The following AK9 variants were observed in gnomAD, a reference collection of about 807,000 sequenced individuals.
AK9 encodes adenylate kinase domain containing 1.
In AK9, 191 loss-of-function variants were observed where a neutral mutation model predicts 239.6. The observed-to-expected ratio is 0.80, with a 90% confidence interval of 0.71 to 0.90. The LOEUF (loss-of-function observed/expected upper bound fraction) is 0.90, where lower values mean the gene tolerates loss of function less well. Among genes scored for constraint, AK9 ranks in the 40% least tolerant of loss-of-function variants. The probability of loss-of-function intolerance (pLI) is 0.00; values close to 1 mark genes in which losing one functional copy is unlikely to be tolerated. For missense variants in AK9, 1,995 were observed against 2,214.7 expected (o/e 0.90, Z 1.99); for synonymous variants, 689 against 721.0 (o/e 0.96, Z 0.71).
chr6:109,609,873 T>C (rs1394327507), intron 17 of AK9, among the ~76,000 whole-genome samples: 1 of 152,220 alleles, frequency 6.6e-6, no homozygotes, highest in Non-Finnish European at 1.5e-5. Flanking sequence ...TGATCTGCCA[T>C]TGATAGATAG....
chr6:109,519,377 T>C (rs544846061), intron 29 of AK9, among the ~76,000 whole-genome samples: 5 of 152,348 alleles, frequency 3.3e-5, no homozygotes, highest in East Asian at 3.9e-4. Context: ...TTTTGAGTTA[T>C]CTGAGAAATC....
intron 17 of AK9, among the ~76,000 whole-genome samples, chr6:109,588,348 C>T (rs1301024980): frequency 1.3e-5 from 2 of 152,062 alleles, no homozygotes; most frequent in African/African-American, 2.4e-5. Flanking sequence ...GGATTACAGG[C>T]GTGAGCCACC....
rs1423806411 is a variant in AK9 at position 109,499,077 on chromosome 6, G to A, written c.5013C>T (p.His1671=). 2 of 1,576,712 alleles carry A rather than the reference G, an allele frequency of 1.3e-6. No individual in the cohort carries two copies. Among genetic ancestry groups the A allele is most frequent in the Middle Eastern group, 1.7e-4 (1 of 5,928 alleles). The change falls in exon 36 of 41, where the codon CAC becomes CAT. Residue 1671 remains histidine, a synonymous_variant. Coordinates refer to ENST00000424296, the MANE Select transcript of AK9 (RefSeq NM_001145128.3). ...TTTCCTGAGAACTCATTTTATAGTA[G>A]TGCCCCCTGAACTCTGCTGCAAATT... ...SLEFAAEFRG[H]YYKMSSQEKL...
At chr6:109,555,503 G>A (rs571781845) in intron 24 of AK9, among the ~76,000 whole-genome samples, 126 of 152,286 alleles carry the variant, frequency 8.3e-4, no homozygotes, top group African/African-American at 2.8e-3. Flanking sequence ...TTGGGGTATC[G>A]AGTTCTGTAG....
At chr6:109,675,547 G>T (rs1288290230) in intron 2 of AK9, 82 bp downstream of exon 2, 1 of 916,078 alleles carries the variant, frequency 1.1e-6, no homozygotes, top group Non-Finnish European at 1.6e-6. Context: ...ACAATATGTG[G>T]TTTTTATTTT....
chr6:109,497,886 C>T lies in AK9; in HGVS notation c.5126G>A (p.Arg1709Lys), dbSNP rs754371911. 6.2e-7 allele frequency: 1 copy of T among 1,614,060 alleles called. No homozygotes were observed. Among genetic ancestry groups the T allele is most frequent in the South Asian group, 1.1e-5 (1 of 91,078 alleles). Residue 1709 changes from arginine (R) to lysine (K), a missense_variant, in exon 37 of 41, where the codon AGA (arginine) becomes AAA (lysine). Arg to Lys is a conservative substitution (Grantham distance 26, BLOSUM62 2). This residue lies in a region of AK9 where 391 missense variants were observed against 456.0 expected (regional missense o/e 0.86). Coordinates refer to ENST00000424296, the MANE Select transcript of AK9 (RefSeq NM_001145128.3). ...PLPSADMIPK[R>K]LTLSELKSRF... is the part of the protein sequence containing the mutation. ...ACTCTTCAGCTCTGACAGTGTCAGT[C>T]TTTTGGGGATCATGTCAGCAGATGG...
At chr6:109,634,277 G>T (rs1400159720) in intron 10 of AK9, among the ~76,000 whole-genome samples, 1 of 152,180 alleles carries the variant, frequency 6.6e-6, no homozygotes, top group African/African-American at 2.4e-5. Context: ...GCACTCTTTT[G>T]TTCTTCCACC....
intron 10 of AK9, among the ~76,000 whole-genome samples, chr6:109,640,916 T>A (rs1371424150): frequency 6.6e-6 from 1 of 152,076 alleles, no homozygotes; most frequent in East Asian, 1.9e-4. Flanking sequence ...AGTTAAGAAC[T>A]TTTAGGTCTT....
intron 19 of AK9, among the ~76,000 whole-genome samples, chr6:109,581,649 A>G (rs1468168949): frequency 1.3e-5 from 2 of 152,236 alleles, no homozygotes; most frequent in African/African-American, 2.4e-5. Flanking sequence ...TTAAGGAAAG[A>G]AGCCATCTCT....
chr6:109,545,786 G>T, intron 26 of AK9, 81 bp downstream of exon 26: 2 of 1,488,590 alleles, frequency 1.3e-6, no homozygotes, highest in East Asian at 4.5e-5. Flanking sequence ...CTGGGTGACA[G>T]ATGGAGACCC....
At chr6:109,511,065 T>TG (rs1278180041) in intron 32 of AK9, among the ~76,000 whole-genome samples, 1 of 151,890 alleles carries the variant, frequency 6.6e-6, no homozygotes, top group African/African-American at 2.4e-5. Flanking sequence ...TGCTTGTTTT[T>TG]TTTTTTTTTT....
At chr6:109,493,705 G>A (rs1776753037) in intron 40 of AK9, 134 bp from the exon 41 acceptor site, 6 of 852,004 alleles carry the variant, frequency 7.0e-6, no homozygotes, top group Non-Finnish European at 1.1e-5. Flanking sequence ...AATAAAATCT[G>A]GAGATTATTC....
At chr6:109,602,171 G>A (rs1184621446) in intron 17 of AK9, among the ~76,000 whole-genome samples, 4 of 152,138 alleles carry the variant, frequency 2.6e-5, no homozygotes, top group Non-Finnish European at 5.9e-5. Context: ...CCTAGCATCA[G>A]TGGTCTTTAC....
intron 25 of AK9, chr6:109,549,671 T>TTTTTTTTTC (rs1784080896): frequency 7.3e-6 from 1 of 136,938 alleles, no homozygotes; most frequent in Non-Finnish European, 1.6e-5. Flanking sequence ...TTTCTTTTTT[T>TTTTTTTTTC]TTTTTTTTTT....
chr6:109,674,231 T>C lies in AK9; in HGVS notation c.148A>G (p.Ile50Val), dbSNP rs369171013. 1.3e-6 allele frequency: 2 copies of C among 1,592,420 alleles called. No individual in the cohort carries two copies. Among genetic ancestry groups the C allele is most frequent in the African/African-American group, 2.7e-5 (2 of 74,312 alleles). ...CGAATACATTTCCATGCCTGTGTTATGTAACGGGCTAATGTTGTTTTCCCA... is the reference window on the plus strand; with the variant it reads ...CGAATACATTTCCATGCCTGTGTTACGTAACGGGCTAATGTTGTTTTCCCA... ...GVGKTTLARY[I>V]TQAWKCIRVE... is the part of the protein sequence containing the mutation. Residue 50 changes from isoleucine to valine, a missense_variant, in exon 3 of 41, where the codon ATA becomes GTA. Coordinates refer to ENST00000424296, the MANE Select transcript of AK9 (RefSeq NM_001145128.3).
At chr6:109,648,306 G>A (rs1798372581) in intron 8 of AK9, among the ~76,000 whole-genome samples, 1 of 152,104 alleles carries the variant, frequency 6.6e-6, no homozygotes, top group South Asian at 2.1e-4. Flanking sequence ...CCAGGAGCTA[G>A]TTTTTTGAAA....
At position 109,619,225 on chromosome 6, in the gene AK9, A is replaced by G. The variant is rs545311766; in HGVS notation, c.1266T>C (p.Tyr422=). Residue 422 remains tyrosine (Y), a synonymous_variant, in exon 13 of 41, where the codon TAT becomes TAC. Transcript: ENST00000424296. ...CAAAACGTGGCTGAACAAGTTGGGC[A>G]TAGTCGACTACCTGCAAAGAATATT... The part of the protein sequence containing the change: ...AENYKGKVVD[Y]AQLVQPRFDK... 76 of 1,545,268 alleles carry G rather than the reference A, an allele frequency of 4.9e-5. No homozygotes were observed. The highest frequency in any genetic ancestry group is 1.7e-4 in the Middle Eastern group (1 of 5,944).
At chr6:109,673,850 T>C (rs1269923398) in intron 3 of AK9, among the ~76,000 whole-genome samples, 5 of 151,714 alleles carry the variant, frequency 3.3e-5, no homozygotes, top group Non-Finnish European at 5.9e-5. Context: ...AAAAATAATA[T>C]TGGGCCGGGT....
intron 39 of AK9, chr6:109,494,391 C>G (rs895313866): frequency 1.3e-5 from 3 of 235,514 alleles, no homozygotes; most frequent in Admixed American, 5.2e-5. Context: ...TTTTTTATAA[C>G]AAAAAGTTAA....
Sources: allele counts gnomAD v4.1 joint callset (sites outside exome capture counted in the v4.1 genomes callset), GRCh38; gene constraint gnomAD v4.1.1; regional missense constraint gnomAD v4.1.1; transcripts MANE v1.5; gene names NCBI Gene and HGNC (gene_info 2026-07-23, HGNC 2026-07-21).